The following C10orf90 variants were observed in gnomAD, a reference collection of about 807,000 sequenced individuals.
C10orf90 encodes (E2-independent) E3 ubiquitin-conjugating enzyme FATS.
In C10orf90, 56 loss-of-function variants were observed where a neutral mutation model predicts 62.5. The ratio of observed to expected loss-of-function variants is 0.90; its 90% confidence interval spans 0.72 to 1.12. C10orf90 has a LOEUF of 1.12. C10orf90 is among the 50% of genes most tolerant of loss of function. The probability of loss-of-function intolerance (pLI) is 0.00; values close to 1 mark genes in which losing one functional copy is unlikely to be tolerated. For synonymous variants in C10orf90, 386 were observed against 340.4 expected, an observed-to-expected ratio of 1.13 and a Z score of -1.47; for missense variants, 970 against 880.4, an observed-to-expected ratio of 1.10 and a Z score of -1.29.
intron 2 of C10orf90, among the ~76,000 whole-genome samples, chr10:126,571,574 A>T (rs1844507508): frequency 6.6e-6 from 1 of 152,218 alleles, no homozygotes; most frequent in Admixed American, 6.5e-5. Flanking sequence ...TTCCATCATT[A>T]GCATTCCATT....
chr10:126,489,374 C>T (rs1335573941), intron 4 of C10orf90, among the ~76,000 whole-genome samples: 1 of 152,042 alleles, frequency 6.6e-6, no homozygotes, highest in Non-Finnish European at 1.5e-5. Flanking sequence ...CGATTAAAAA[C>T]ACCCCAAAAA....
In C10orf90 at chr10:126,425,837, T is replaced by C; in HGVS notation, c.*27A>G. The C allele has an allele frequency of 6.2e-7, 1 of 1,610,876 alleles. No homozygotes were observed. Among genetic ancestry groups the C allele is most frequent in the African/African-American group, 1.3e-5 (1 of 74,876 alleles). On this transcript the variant is annotated 3_prime_UTR_variant, in exon 10 of 10. Coordinates refer to ENST00000488181, the MANE Select transcript of C10orf90 (RefSeq NM_001350921.2). Reference sequence around the variant, plus strand: ...CATTCGAAGTCCTCCCAGGTCCAGGTAGTGTGGTCAGCAGGGCAGCCTGTG... The same window carrying C: ...CATTCGAAGTCCTCCCAGGTCCAGGCAGTGTGGTCAGCAGGGCAGCCTGTG...
intron 2 of C10orf90, chr10:126,521,166 A>G (rs2133940241): frequency 2.1e-6 from 2 of 970,414 alleles, no homozygotes; most frequent in Non-Finnish European, 3.0e-6. Context: ...GTCTTTAGAG[A>G]TACCTGGTTC....
intron 2 of C10orf90, among the ~76,000 whole-genome samples, chr10:126,591,209 G>A (rs1395937945): frequency 2.6e-5 from 4 of 152,004 alleles, no homozygotes; most frequent in South Asian, 2.1e-4. Context: ...GGCCAGCATC[G>A]TCCTGATACC....
chr10:126,511,517 A>C (rs1371720426), intron 3 of C10orf90, among the ~76,000 whole-genome samples: 1 of 152,064 alleles, frequency 6.6e-6, no homozygotes, highest in Non-Finnish European at 1.5e-5. Flanking sequence ...AGTAAATACT[A>C]ACTTCCCAGT....
chr10:126,638,529 C>T (rs796386852), intron 2 of C10orf90, among the ~76,000 whole-genome samples: 1 of 152,100 alleles, frequency 6.6e-6, no homozygotes, highest in Non-Finnish European at 1.5e-5. Flanking sequence ...CAGCTGGTCT[C>T]ATTCTGCCCA....
intron 2 of C10orf90, among the ~76,000 whole-genome samples, chr10:126,562,577 G>C (rs898939045): frequency 1.3e-5 from 2 of 152,104 alleles, no homozygotes; most frequent in Non-Finnish European, 2.9e-5. Flanking sequence ...CCTGTCAAAC[G>C]GGCACAGAGC....
intron 4 of C10orf90, among the ~76,000 whole-genome samples, chr10:126,495,432 T>C (rs1591009907): frequency 6.6e-6 from 1 of 152,310 alleles, no homozygotes; most frequent in Admixed American, 6.5e-5. Context: ...AATAGAATGC[T>C]CCAAACATAG....
chr10:126,501,990 GCATACACACACACCACACACACACAC>G (rs1166514562), intron 4 of C10orf90, among the ~76,000 whole-genome samples: 2 of 127,104 alleles, frequency 1.6e-5, no homozygotes, highest in Non-Finnish European at 3.4e-5. Context: ...CACCACACAC[GCATACACACACACCACACACACACAC>G]CATACACACA....
intron 2 of C10orf90, among the ~76,000 whole-genome samples, chr10:126,636,748 A>G (rs1845959395): frequency 6.6e-6 from 1 of 152,162 alleles, no homozygotes; most frequent in East Asian, 1.9e-4. Context: ...TCTTTTTTAG[A>G]AATCCTTTCC....
At chr10:126,551,665 T>C (rs963249778) in intron 2 of C10orf90, among the ~76,000 whole-genome samples, 20 of 152,334 alleles carry the variant, frequency 1.3e-4, no homozygotes, top group African/African-American at 4.3e-4. Context: ...TCCATACTTA[T>C]GTTTCAGACC....
chr10:126,426,168 G>A (rs1325886829), intron 8 of C10orf90, 78 bp from the exon 9 acceptor site: 11 of 1,151,932 alleles, frequency 9.5e-6, no homozygotes, highest in Non-Finnish European at 1.4e-5. Flanking sequence ...CTGTCTTGAC[G>A]GCAGGCTCTT....
chr10:126,572,920 A>G (rs1421802826), intron 2 of C10orf90, among the ~76,000 whole-genome samples: 1 of 152,156 alleles, frequency 6.6e-6, no homozygotes, highest in African/African-American at 2.4e-5. Context: ...TTGGTTTAGC[A>G]TATCATCAAG....
At chr10:126,469,937 T>C (rs973907665) in intron 4 of C10orf90, 2 of 456,664 alleles carry the variant, frequency 4.4e-6, no homozygotes, top group Non-Finnish European at 8.8e-6. Flanking sequence ...AGGAAGGTGT[T>C]CTTCTGCATG....
At chr10:126,565,822 G>T (rs560540915) in intron 2 of C10orf90, among the ~76,000 whole-genome samples, 1 of 152,076 alleles carries the variant, frequency 6.6e-6, no homozygotes, top group South Asian at 2.1e-4. Flanking sequence ...TCCTCCACCC[G>T]CTGTTTTGAG....
At chr10:126,624,138 G>A (rs1029144068) in intron 2 of C10orf90, among the ~76,000 whole-genome samples, 2 of 152,160 alleles carry the variant, frequency 1.3e-5, no homozygotes, top group Non-Finnish European at 2.9e-5. Flanking sequence ...ATGAGGTCAG[G>A]ACTTTGAAAC....
At position 126,504,566 on chromosome 10, in the gene C10orf90, C is replaced by T; in HGVS notation, c.925G>A (p.Ala309Thr). The change falls in exon 4 of 10, where the codon GCC becomes ACC. Residue 309 changes from alanine to threonine, a missense_variant. Physicochemically the swap from Ala to Thr is moderately conservative, Grantham distance 58. Transcript: ENST00000488181. The surrounding 1 kb of genome is among the most constrained non-coding windows in gnomAD (Gnocchi z 4.1). ...SSVVRLKVPEAHTGLCERRKY... is the reference protein window; with the variant it reads ...SSVVRLKVPETHTGLCERRKY... ...CGTCTCTCACACAACCCAGTGTGGGCCTCGGGAACCTTCAGCCGCACCACG... is the reference window on the plus strand; with the variant it reads ...CGTCTCTCACACAACCCAGTGTGGGTCTCGGGAACCTTCAGCCGCACCACG... 1 of 1,614,084 alleles carries T rather than the reference C, an allele frequency of 6.2e-7. No homozygotes were observed. Among genetic ancestry groups the T allele is most frequent in the South Asian group, 1.1e-5 (1 of 91,072 alleles).
chr10:126,447,262 A>G (rs948260795), intron 7 of C10orf90, among the ~76,000 whole-genome samples: 3 of 151,884 alleles, frequency 2.0e-5, no homozygotes, highest in Admixed American at 6.6e-5. Flanking sequence ...AAAAAAAAAG[A>G]CCTAATAATA....
At chr10:126,603,018 A>AG (rs1845230457) in intron 2 of C10orf90, among the ~76,000 whole-genome samples, 1 of 151,864 alleles carries the variant, frequency 6.6e-6, no homozygotes, top group Non-Finnish European at 1.5e-5. Context: ...GGAAGCAGAG[A>AG]GAAGGAGGGA....
Sources: allele counts gnomAD v4.1 joint callset (sites outside exome capture counted in the v4.1 genomes callset), GRCh38; gene constraint gnomAD v4.1.1; non-coding constraint Gnocchi (gnomAD v3.1); transcripts MANE v1.5; gene names NCBI Gene and HGNC (gene_info 2026-07-23, HGNC 2026-07-21).